The following PCSK6 variants were observed in gnomAD, a reference collection of about 807,000 sequenced individuals.
PCSK6 encodes proprotein convertase subtilisin/kexin type 6.
PCSK6 carries 85 observed loss-of-function variants against 123.3 expected under a neutral mutation model. The observed-to-expected ratio is 0.69, with a 90% CI of 0.58 to 0.83. The LOEUF (loss-of-function observed/expected upper bound fraction) is 0.83, where lower values mean the gene tolerates loss of function less well. Ranked by LOEUF, PCSK6 falls within the 40% of genes least tolerant of loss-of-function variation. The pLI, the probability that PCSK6 is intolerant of heterozygous loss-of-function variation, is 0.00. For missense variants in PCSK6, 1,191 were observed against 1,282.3 expected, an observed-to-expected ratio of 0.93 and a Z score of 1.09; for synonymous variants, 508 against 516.0, an observed-to-expected ratio of 0.98 and a Z score of 0.21.
chr15:101,385,703 T>C (rs963776246), intron 9 of PCSK6, among the ~76,000 whole-genome samples: 3 of 152,240 alleles, frequency 2.0e-5, no homozygotes, highest in Admixed American at 6.5e-5. Context: ...TATTAAATGC[T>C]ATGCAACCTG....
At chr15:101,483,484 A>G (rs749950662) in intron 1 of PCSK6, among the ~76,000 whole-genome samples, 1 of 152,238 alleles carries the variant, frequency 6.6e-6, no homozygotes, top group Non-Finnish European at 1.5e-5. Context: ...TTTTATGTTC[A>G]GACTCAGAAG....
intron 13 of PCSK6, among the ~76,000 whole-genome samples, chr15:101,332,790 G>A (rs1036926417): frequency 1.3e-5 from 2 of 152,220 alleles, no homozygotes; most frequent in Non-Finnish European, 2.9e-5. Flanking sequence ...CCGCCCCACC[G>A]ACAGCTCCAC....
rs35083182 is a variant in PCSK6 at position 101,342,129 on chromosome 15, C to CAAAAAAAAAAAAAA, written c.1859-10112_1859-10099dup. On this transcript the variant is annotated intron_variant, in intron 13 of 21. Coordinates refer to ENST00000611716, the MANE Select transcript of PCSK6 (RefSeq NM_002570.5). ...TGGGAAACAGAGTAAGACCCTGTCT[C>CAAAAAAAAAAAAAA]AAAAAAAAAAAAAAAAAAAAAAAAG... 1.3e-3 allele frequency among the ~76,000 whole-genome samples: 66 copies of CAAAAAAAAAAAAAA among 51,508 alleles called. 1 individual carries two copies. Among genetic ancestry groups the CAAAAAAAAAAAAAA allele is most frequent in the Middle Eastern group, 0.014 (1 of 70 alleles). The allele number at this position is 51,508 out of a possible 152,430, so 33.8% of individuals were successfully genotyped here.
intron 17 of PCSK6, 25 bp downstream of exon 17, chr15:101,324,817 ATCAGTTCT>A: frequency 6.4e-7 from 1 of 1,570,332 alleles, no homozygotes; most frequent in Non-Finnish European, 8.7e-7. Flanking sequence ...GGGCTGGCTC[ATCAGTTCT>A]TGTACCCACA....
At chr15:101,476,784 A>C (rs1221607130) in intron 1 of PCSK6, among the ~76,000 whole-genome samples, 7 of 152,160 alleles carry the variant, frequency 4.6e-5, no homozygotes, top group Non-Finnish European at 1.0e-4. Context: ...TTTATATAAT[A>C]CTCTAAATTT....
intron 7 of PCSK6, among the ~76,000 whole-genome samples, 157 bp from the exon 8 acceptor site, chr15:101,393,581 G>T (rs184748734): frequency 6.6e-6 from 1 of 152,322 alleles, no homozygotes; most frequent in East Asian, 1.9e-4. Flanking sequence ...TGGTTTTGGG[G>T]GCTCTGTTTG....
In PCSK6 at chr15:101,427,203, C is replaced by CG. The variant is rs1555458318; in HGVS notation, c.823+688dup. Among the ~76,000 whole-genome samples the CG allele has an allele frequency of 2.9e-3, 439 of 152,284 alleles. 1 individual carries two copies. The highest frequency in any genetic ancestry group is 0.01 in the African/African-American group (422 of 41,554). Reference sequence around the variant, plus strand: ...GCTAAATGGCAAGACCAGACGCACGCGGGGCAGGGGCGGCTGCTGCTCCGT... The same window carrying CG: ...GCTAAATGGCAAGACCAGACGCACGCGGGGGCAGGGGCGGCTGCTGCTCCGT... On this transcript the variant is annotated intron_variant, in intron 6 of 21. Coordinates refer to ENST00000611716, the MANE Select transcript of PCSK6 (RefSeq NM_002570.5).
At chr15:101,350,865 G>A (rs2040871996) in intron 13 of PCSK6, among the ~76,000 whole-genome samples, 1 of 152,234 alleles carries the variant, frequency 6.6e-6, no homozygotes, top group South Asian at 2.1e-4. Flanking sequence ...CAGCCGACCA[G>A]CACTGGCTTA....
intron 6 of PCSK6, among the ~76,000 whole-genome samples, chr15:101,408,264 C>T (rs935902655): frequency 1.9e-4 from 29 of 152,228 alleles, no homozygotes; most frequent in African/African-American, 6.8e-4. Context: ...GTTCATGCCG[C>T]CATGAACAAA....
chr15:101,379,216 C>T (rs2041841482), intron 11 of PCSK6, among the ~76,000 whole-genome samples: 1 of 152,254 alleles, frequency 6.6e-6, no homozygotes, highest in Admixed American at 6.5e-5. Flanking sequence ...GACAGTCTCC[C>T]TGAACCATGG....
intron 13 of PCSK6, among the ~76,000 whole-genome samples, chr15:101,345,750 C>T (rs1244785654): frequency 6.6e-6 from 1 of 152,240 alleles, no homozygotes; most frequent in Non-Finnish European, 1.5e-5. Context: ...TCACTGCAAC[C>T]TCCGCCTCCC....
chr15:101,385,731 G>C (rs555750761), intron 9 of PCSK6, among the ~76,000 whole-genome samples: 2 of 152,262 alleles, frequency 1.3e-5, no homozygotes, highest in South Asian at 4.2e-4. Context: ...GAACATACAA[G>C]CTTTCTGCAA....
In PCSK6 at chr15:101,305,618, G is replaced by C. The variant is rs979780172; in HGVS notation, c.2813-263C>G. On this transcript the variant is annotated intron_variant, in intron 21 of 21. Transcript: ENST00000611716. This position sits in a 1 kb window ranked among gnomAD's most constrained non-coding sequence, Gnocchi z 4.8. ...AGCTACTCGGGAGGCTAAAGCAGGA[G>C]AACCACCTGAACCCAGGAGGCAGAG... 6 of 373,558 alleles carry C rather than the reference G, an allele frequency of 1.6e-5. No individual in the cohort carries two copies. The highest frequency in any genetic ancestry group is 3.9e-5 in the Admixed American group (1 of 25,656). The allele number at this position is 373,558 out of a possible 1,614,324, so 23.1% of individuals were successfully genotyped here.
intron 1 of PCSK6, among the ~76,000 whole-genome samples, chr15:101,475,848 G>A (rs935656294): frequency 5.9e-5 from 9 of 152,106 alleles, no homozygotes; most frequent in African/African-American, 2.2e-4. Context: ...ACAACCACCA[G>A]ATCTCATTTG....
chr15:101,406,831 C>T (rs116160471), intron 6 of PCSK6, among the ~76,000 whole-genome samples: 2,196 of 152,192 alleles, frequency 0.014, 45 homozygotes, highest in African/African-American at 0.049. Context: ...TTCCTGATGC[C>T]CTGATGGAGC....
chr15:101,452,574 G>A (rs1432085877), intron 1 of PCSK6, among the ~76,000 whole-genome samples: 3 of 152,166 alleles, frequency 2.0e-5, no homozygotes, highest in African/African-American at 4.8e-5. Flanking sequence ...GATCCGGGGT[G>A]GCCCAGAACA....
intron 13 of PCSK6, among the ~76,000 whole-genome samples, chr15:101,360,527 A>T (rs2041183666): frequency 8.5e-6 from 1 of 116,988 alleles, no homozygotes. Flanking sequence ...CACACCAGAC[A>T]CACTCCTGCC....
At chr15:101,357,552 C>T (rs533977137) in intron 13 of PCSK6, among the ~76,000 whole-genome samples, 1 of 152,366 alleles carries the variant, frequency 6.6e-6, no homozygotes, top group South Asian at 2.1e-4. Flanking sequence ...GGGGCTGGTC[C>T]TGCCTCCCTG....
At chr15:101,318,616 G>A (rs2040048352) in intron 18 of PCSK6, among the ~76,000 whole-genome samples, 194 bp from the exon 19 acceptor site, 1 of 152,232 alleles carries the variant, frequency 6.6e-6, no homozygotes, top group African/African-American at 2.4e-5. Context: ...GGGGTACAAG[G>A]CCCTGGGAAG....
Sources: gnomAD v4.1 joint callset for allele counts (sites outside exome capture counted in the v4.1 genomes callset) on GRCh38, gnomAD v4.1.1 for gene constraint, Gnocchi (gnomAD v3.1) non-coding constraint, MANE v1.5 for transcripts, NCBI Gene and HGNC (gene_info 2026-07-23, HGNC 2026-07-21) for gene names.